POU6F2: variants seen among roughly 807,000 people sequenced by gnomAD.
The protein encoded by POU6F2 is POU domain, class 6, transcription factor 2.
POU6F2 carries 31 observed loss-of-function variants against 71.3 expected under a neutral mutation model. The observed-to-expected ratio is 0.43, with a 90% confidence interval of 0.33 to 0.59. The LOEUF (loss-of-function observed/expected upper bound fraction) is 0.59. Ranked by LOEUF, POU6F2 falls within the 20% of genes least tolerant of loss-of-function variation. The probability of loss-of-function intolerance (pLI) is 0.04; values close to 1 mark genes in which losing one functional copy is unlikely to be tolerated. For synonymous variants in POU6F2, 347 were observed against 355.7 expected (o/e 0.98, Z 0.27); for missense variants, 783 against 856.8 (o/e 0.91, Z 1.07).
intron 2 of POU6F2, among the ~76,000 whole-genome samples, chr7:39,181,988 C>T (rs534508852): frequency 2.0e-5 from 3 of 152,302 alleles, no homozygotes; most frequent in South Asian, 2.1e-4. Context: ...CCTCAGATTA[C>T]AATCTCTACT....
chr7:39,013,492 G>A lies in POU6F2; in HGVS notation c.105+35434G>A, dbSNP rs1027070485. On this transcript the variant is annotated intron_variant, in intron 1 of 9. Coordinates refer to ENST00000518318, the MANE Select transcript of POU6F2 (RefSeq NM_001370959.1). Reference sequence around the variant, plus strand: ...AATGCAGAAATCACCCGTCTTCTGCGTCGCTCACGCTGGGAGCTGTGGACT... The same window carrying A: ...AATGCAGAAATCACCCGTCTTCTGCATCGCTCACGCTGGGAGCTGTGGACT... 8 of 158,086 alleles carry A rather than the reference G, an allele frequency of 5.1e-5. No homozygotes were observed. In the East Asian group the frequency reaches 1.3e-3, roughly 26 times the overall value. 9.8% of individuals were successfully genotyped at this position (158,086 alleles called of 1,614,324 possible). A position where few individuals can be genotyped will look rare whatever the true frequency, so the allele number is the denominator to read the frequency against.
At chr7:39,369,967 C>A (rs968266935) in intron 5 of POU6F2, among the ~76,000 whole-genome samples, 2 of 151,982 alleles carry the variant, frequency 1.3e-5, no homozygotes, top group African/African-American at 4.8e-5. Flanking sequence ...GTACTGCCAC[C>A]GCACCCAGCC....
rs1210845762 is a variant in POU6F2 at position 39,016,075 on chromosome 7, ATATAT to A, written c.105+38023_105+38027del. On this transcript the variant is annotated intron_variant, in intron 1 of 9. Transcript: ENST00000518318. ...TATATATTATATATAATATATAGATATATATTATATCTATATTATACATTATATAT... is the reference window on the plus strand; with the variant it reads ...TATATATTATATATAATATATAGATATATATCTATATTATACATTATATAT... Among the ~76,000 whole-genome samples the A allele has an allele frequency of 1.1e-3, 107 of 93,082 alleles. 2 individuals are homozygous for A. The South Asian group carries it at 0.016, about 14-fold the overall frequency. The allele number at this position is 93,082 out of a possible 152,430, so 61.1% of individuals were successfully genotyped here.
At chr7:39,000,530 GACACACACAC>G (rs5883670) in intron 1 of POU6F2, among the ~76,000 whole-genome samples, 1 of 141,138 alleles carries the variant, frequency 7.1e-6, no homozygotes, top group Non-Finnish European at 1.6e-5. Flanking sequence ...CATACCCACA[GACACACACAC>G]ACACACACAC....
intron 6 of POU6F2, among the ~76,000 whole-genome samples, chr7:39,411,767 T>C (rs1787555804): frequency 6.6e-6 from 1 of 152,186 alleles, no homozygotes; most frequent in Admixed American, 6.5e-5. Flanking sequence ...CAGTAGCCTA[T>C]GCATTATGAC....
intron 1 of POU6F2, among the ~76,000 whole-genome samples, chr7:39,064,187 T>C (rs1790712327): frequency 6.6e-6 from 1 of 151,986 alleles, no homozygotes; most frequent in South Asian, 2.1e-4. Context: ...TTTTAGAGTA[T>C]AAAATATTTT....
intron 2 of POU6F2, among the ~76,000 whole-genome samples, chr7:39,102,872 A>T (rs1791604918): frequency 6.6e-6 from 1 of 152,208 alleles, no homozygotes; most frequent in Admixed American, 6.5e-5. Flanking sequence ...TTACTGTACA[A>T]ATACTGTAGC....
intron 1 of POU6F2, among the ~76,000 whole-genome samples, chr7:39,063,532 G>A (rs759335870): frequency 1.3e-5 from 2 of 152,108 alleles, no homozygotes; most frequent in Non-Finnish European, 2.9e-5. Context: ...GAGCTTAAAC[G>A]GATGAGAGAG....
At chr7:39,179,533 GCACACA>G (rs564316167) in intron 2 of POU6F2, among the ~76,000 whole-genome samples, 5 of 151,436 alleles carry the variant, frequency 3.3e-5, no homozygotes, top group Non-Finnish European at 5.9e-5. Context: ...GCACATGCGC[GCACACA>G]CACACACACA....
chr7:39,376,602 A>C (rs1227750430), intron 5 of POU6F2, among the ~76,000 whole-genome samples: 1 of 152,184 alleles, frequency 6.6e-6, no homozygotes, highest in African/African-American at 2.4e-5. Flanking sequence ...TAAGACCCAG[A>C]GTATTTGAGA....
chr7:39,192,752 CTT>C (rs1259276925), intron 2 of POU6F2, among the ~76,000 whole-genome samples: 1 of 152,106 alleles, frequency 6.6e-6, no homozygotes, highest in Non-Finnish European at 1.5e-5. Context: ...TCCCCCTTGA[CTT>C]TTGTGGGATA....
chr7:39,186,709 C>T (rs1291766183), intron 2 of POU6F2, among the ~76,000 whole-genome samples: 2 of 152,182 alleles, frequency 1.3e-5, no homozygotes, highest in African/African-American at 4.8e-5. Context: ...CTCTATGTCC[C>T]TTGTCTCTGA....
chr7:39,013,935 T>G (rs1192337161), intron 1 of POU6F2, among the ~76,000 whole-genome samples: 1 of 152,238 alleles, frequency 6.6e-6, no homozygotes, highest in South Asian at 2.1e-4. Context: ...ACTTAATTTA[T>G]GTACTCAGCT....
At chr7:39,395,017 ACTCC>A (rs1787145423) in intron 5 of POU6F2, among the ~76,000 whole-genome samples, 1 of 151,644 alleles carries the variant, frequency 6.6e-6, no homozygotes. Flanking sequence ...CCCCAGCTGC[ACTCC>A]CTCCCTCTGA....
intron 1 of POU6F2, among the ~76,000 whole-genome samples, chr7:39,002,643 G>A (rs1253286596): frequency 1.3e-5 from 2 of 152,138 alleles, no homozygotes; most frequent in African/African-American, 2.4e-5. Flanking sequence ...CACCACACCC[G>A]GCCAGTGATT....
chr7:39,173,291 G>A (rs1054546054), intron 2 of POU6F2, among the ~76,000 whole-genome samples: 4 of 152,216 alleles, frequency 2.6e-5, no homozygotes, highest in Non-Finnish European at 5.9e-5. Context: ...GCTAGCTTAA[G>A]CGGTAGATAA....
chr7:39,170,758 A>G (rs1048091863), intron 2 of POU6F2, among the ~76,000 whole-genome samples: 10 of 152,176 alleles, frequency 6.6e-5, no homozygotes, highest in African/African-American at 2.4e-4. Context: ...CAACGCAAAG[A>G]AAAGATAAAT....
At chr7:39,177,322 C>T (rs916815114) in intron 2 of POU6F2, among the ~76,000 whole-genome samples, 3 of 152,102 alleles carry the variant, frequency 2.0e-5, no homozygotes, top group East Asian at 1.9e-4. Context: ...TTTCAACCTC[C>T]GTGCCAACCG....
chr7:39,113,828 A>C (rs1791872963), intron 2 of POU6F2, among the ~76,000 whole-genome samples: 1 of 152,198 alleles, frequency 6.6e-6, no homozygotes, highest in Non-Finnish European at 1.5e-5. Context: ...ATTTGCTTCC[A>C]ACATGGTGCA....
Sources: gnomAD v4.1 joint callset for allele counts (sites outside exome capture counted in the v4.1 genomes callset) on GRCh38, gnomAD v4.1.1 for gene constraint, MANE v1.5 for transcripts, NCBI Gene and HGNC (gene_info 2026-07-23, HGNC 2026-07-21) for gene names.